The following CREB1 variants were observed in gnomAD, a reference collection of about 807,000 sequenced individuals.
CREB1 encodes cyclic AMP-responsive element-binding protein 1.
In CREB1, 2 loss-of-function variants were observed where a neutral mutation model predicts 42.0. The observed-to-expected ratio is 0.05, with a 90% confidence interval of 0.02 to 0.15. The LOEUF (loss-of-function observed/expected upper bound fraction) is 0.15. Among genes scored for constraint, CREB1 ranks in the 10% least tolerant of loss-of-function variants. CREB1 has a pLI of 1.00. For synonymous variants in CREB1, 123 were observed against 139.9 expected (o/e 0.88, Z 0.85); for missense variants, 199 against 388.9 (o/e 0.51, Z 4.11).
At chr2:207,551,909 G>C (rs2081519087) in intron 1 of CREB1, among the ~76,000 whole-genome samples, 1 of 151,792 alleles carries the variant, frequency 6.6e-6, no homozygotes, top group Admixed American at 6.6e-5. Context: ...TGGCATGGTG[G>C]CGGGTGCCTG....
At chr2:207,560,637 G>A (rs2106482306) in intron 3 of CREB1, among the ~76,000 whole-genome samples, 1 of 152,332 alleles carries the variant, frequency 6.6e-6, no homozygotes, top group Admixed American at 6.5e-5. Flanking sequence ...AGATAAAGTG[G>A]AAGTGTTTGG....
rs759967564 is a variant in CREB1 at position 207,604,862 on chromosome 2, GTGT to G, written c.*7810_*7812del. ...ATTACTTCTTTCGTCTAGCTTTAAT[GTGT>G]TGTTGAGGTTGATCCATTGTAACAT... is the stretch of plus-strand genomic sequence containing the variant. On this transcript the variant is annotated 3_prime_UTR_variant, in exon 8 of 8. Transcript: ENST00000353267. Among the ~76,000 whole-genome samples, 20 of 152,178 alleles carry G rather than the reference GTGT, an allele frequency of 1.3e-4. No homozygotes were observed. Among genetic ancestry groups the G allele is most frequent in the African/African-American group, 4.1e-4 (17 of 41,422 alleles).
chr2:207,577,769 T>TC (rs2082652055), intron 7 of CREB1, 114 bp downstream of exon 7: 1 of 1,299,328 alleles, frequency 7.7e-7, no homozygotes, highest in Non-Finnish European at 1.1e-6. Flanking sequence ...ATTTTTTTTT[T>TC]CCAGCAGAAT....
chr2:207,597,160 T>G lies in CREB1; in HGVS notation c.*102T>G. ...TTTATTTTCTAAACATTTCTTTTTT[T>G]CTATGCGCAAAACTGCCTGAAAGCA... is the stretch of plus-strand genomic sequence containing the variant. On this transcript the variant is annotated 3_prime_UTR_variant, in exon 8 of 8. Coordinates refer to ENST00000353267, the MANE Select transcript of CREB1 (RefSeq NM_004379.5). 7.6e-7 allele frequency: 1 copy of G among 1,317,318 alleles called. No homozygotes were observed. 81.6% of individuals were successfully genotyped at this position (1,317,318 alleles called of 1,614,324 possible). A position where few individuals can be genotyped will look rare whatever the true frequency, so the allele number is the denominator to read the frequency against.
At chr2:207,591,712 C>G (rs781516099) in intron 7 of CREB1, among the ~76,000 whole-genome samples, 1 of 152,124 alleles carries the variant, frequency 6.6e-6, no homozygotes, top group Non-Finnish European at 1.5e-5. Context: ...GGATTACAGG[C>G]GTGAACCACC....
At chr2:207,546,120 C>G (rs367670820) in intron 1 of CREB1, among the ~76,000 whole-genome samples, 6 of 152,202 alleles carry the variant, frequency 3.9e-5, no homozygotes, top group East Asian at 1.9e-4. Context: ...TTTATTAACT[C>G]TGATACTTTA....
intron 1 of CREB1, among the ~76,000 whole-genome samples, chr2:207,532,669 C>CAA (rs112234348): frequency 1.4e-4 from 20 of 140,972 alleles, no homozygotes; most frequent in Admixed American, 5.6e-4. Flanking sequence ...GACCCCATCT[C>CAA]AAAAAAAAAA....
intron 2 of CREB1, among the ~76,000 whole-genome samples, chr2:207,556,917 A>G (rs1317569355): frequency 2.6e-5 from 4 of 152,276 alleles, no homozygotes; most frequent in African/African-American, 9.6e-5. Context: ...CGAGCGAATC[A>G]CTTGAGGTCA....
rs1317322088 is a variant in CREB1 at position 207,600,234 on chromosome 2, T to C, written c.*3176T>C. ...GGGGGTGGCATTTGTATAATATATG[T>C]GTACATATATATATATATATATATA... On this transcript the variant is annotated 3_prime_UTR_variant, in exon 8 of 8. Coordinates refer to ENST00000353267, the MANE Select transcript of CREB1 (RefSeq NM_004379.5). 2.2e-5 allele frequency: 2 copies of C among 91,408 alleles called. No individual in the cohort carries two copies. The highest frequency in any genetic ancestry group is 3.2e-4 in the East Asian group (2 of 6,170). 5.7% of individuals were successfully genotyped at this position (91,408 alleles called of 1,614,324 possible).
intron 1 of CREB1, among the ~76,000 whole-genome samples, chr2:207,535,432 T>G (rs562029538): frequency 6.6e-6 from 1 of 152,316 alleles, no homozygotes; most frequent in African/African-American, 2.4e-5. Flanking sequence ...TTTTTGGGTT[T>G]TTTTTAACAG....
At chr2:207,536,427 C>T (rs1393336958) in intron 1 of CREB1, among the ~76,000 whole-genome samples, 1 of 151,714 alleles carries the variant, frequency 6.6e-6, no homozygotes, top group Non-Finnish European at 1.5e-5. Context: ...TGGGGGCAGG[C>T]GCCTGCAATC....
rs755290683 is a variant in CREB1, at chr2:207,567,428, T to G, written c.262-35T>G. 22 of 1,473,454 alleles carry G rather than the reference T, an allele frequency of 1.5e-5. No individual in the cohort carries two copies. The South Asian group carries it at 2.4e-4, about 16-fold the overall frequency. 91.3% of individuals were successfully genotyped at this position (1,473,454 alleles called of 1,614,324 possible). ...AATAAAAATTTTACAGGAACTAAAT[T>G]TGATTATCAATATGAAGTTTTTCTT... On this transcript the variant is annotated intron_variant, in intron 3 of 7. Coordinates refer to ENST00000353267, the MANE Select transcript of CREB1 (RefSeq NM_004379.5).
chr2:207,577,891 A>T (rs963407702), intron 7 of CREB1: 4 of 481,848 alleles, frequency 8.3e-6, no homozygotes, highest in Non-Finnish European at 1.5e-5. Flanking sequence ...CAGTTTCCCC[A>T]CAGGAGATTT....
chr2:207,548,194 G>A (rs1227735898), intron 1 of CREB1, among the ~76,000 whole-genome samples: 3 of 152,050 alleles, frequency 2.0e-5, no homozygotes, highest in African/African-American at 4.8e-5. Context: ...CTCCCAAAGC[G>A]CAGGGATTAC....
chr2:207,580,633 C>G (rs1213606786), intron 7 of CREB1: 2 of 218,846 alleles, frequency 9.1e-6, no homozygotes, highest in South Asian at 3.7e-4. Flanking sequence ...CCAAAAAATT[C>G]ATCACTATCC....
At chr2:207,554,765 C>T (rs1312159167) in intron 1 of CREB1, among the ~76,000 whole-genome samples, 1 of 152,120 alleles carries the variant, frequency 6.6e-6, no homozygotes, top group Admixed American at 6.5e-5. Flanking sequence ...TAAAAGATTT[C>T]TCTGTGTGTG....
At chr2:207,569,762 G>C (rs1381333080) in intron 4 of CREB1, among the ~76,000 whole-genome samples, 1 of 151,754 alleles carries the variant, frequency 6.6e-6, no homozygotes, top group Non-Finnish European at 1.5e-5. Context: ...AACTTCTGCT[G>C]GCTGGGTGCA....
chr2:207,552,628 GAC>G (rs2081554723), intron 1 of CREB1, among the ~76,000 whole-genome samples: 1 of 134,792 alleles, frequency 7.4e-6, no homozygotes, highest in South Asian at 2.3e-4. Flanking sequence ...TTTTTGGTAA[GAC>G]AGTCTTGCTC....
intron 7 of CREB1, among the ~76,000 whole-genome samples, chr2:207,594,991 CTTTTTTTT>C (rs751274446): frequency 4.2e-5 from 5 of 118,824 alleles, no homozygotes; most frequent in African/African-American, 1.6e-4. Flanking sequence ...TGTTGAGCAT[CTTTTTTTT>C]TTTTTTTTTT....
Sources: gnomAD v4.1 joint callset for allele counts (sites outside exome capture counted in the v4.1 genomes callset) on GRCh38, gnomAD v4.1.1 for gene constraint, MANE v1.5 for transcripts, NCBI Gene and HGNC (gene_info 2026-07-23, HGNC 2026-07-21) for gene names.